CALN1: variants seen among roughly 807,000 people sequenced by gnomAD.
CALN1 encodes the protein calneuron 1.
Under a neutral mutation model 30.6 loss-of-function variants are expected in CALN1, and 17 were observed. The ratio of observed to expected loss-of-function variants is 0.56; its 90% confidence interval spans 0.38 to 0.83. The LOEUF (loss-of-function observed/expected upper bound fraction) is 0.83. Ranked by LOEUF, CALN1 falls within the 40% of genes least tolerant of loss-of-function variation. CALN1 has a pLI of 0.00. For missense variants in CALN1, 291 were observed against 354.9 expected (o/e 0.82, Z 1.45); for synonymous variants, 156 against 131.4 (o/e 1.19, Z -1.28).
chr7:72,337,413 C>T (rs1009750597), intron 2 of CALN1, among the ~76,000 whole-genome samples: 8 of 31,450 alleles, frequency 2.5e-4, no homozygotes, highest in Admixed American at 9.1e-4. Flanking sequence ...CGCGCACTCA[C>T]ACTCGCGCGC....
At chr7:71,798,167 G>T (rs1041001817) in intron 6 of CALN1, among the ~76,000 whole-genome samples, 5 of 144,702 alleles carry the variant, frequency 3.5e-5, no homozygotes, top group Non-Finnish European at 6.1e-5. Flanking sequence ...GAGAGAGAGA[G>T]AGAGAGAGAT....
rs71531769 is a variant in CALN1, at chr7:71,863,557, CAAAAAA to C, written c.502-53071_502-53066del. 1.2e-3 allele frequency among the ~76,000 whole-genome samples: 40 copies of C among 32,214 alleles called. 1 individual carries two copies. Among genetic ancestry groups the C allele is most frequent in the African/African-American group, 6.7e-5 (1 of 14,988 alleles). The allele number at this position is 32,214 out of a possible 152,430, so 21.1% of individuals were successfully genotyped here. A position where few individuals can be genotyped will look rare whatever the true frequency, so the allele number is the denominator to read the frequency against. On this transcript the variant is annotated intron_variant, in intron 5 of 6. Coordinates refer to ENST00000395275, the MANE Select transcript of CALN1 (RefSeq NM_031468.4). Reference sequence around the variant, plus strand: ...TGGGCAACAGAACTAAACTCCATCTCAAAAAAAAAAAAAAAAAAAAAAAAAAGAAGA... The same window carrying C: ...TGGGCAACAGAACTAAACTCCATCTCAAAAAAAAAAAAAAAAAAAAGAAGA...
chr7:72,387,225 AGGAAG>A (rs1164676142), intron 2 of CALN1, among the ~76,000 whole-genome samples: 1 of 77,960 alleles, frequency 1.3e-5, no homozygotes, highest in Non-Finnish European at 2.5e-5. Context: ...AAGGAAGGGA[AGGAAG>A]GGAAGGGAGG....
chr7:71,936,835 G>C (rs1795860163), intron 5 of CALN1, among the ~76,000 whole-genome samples: 2 of 152,000 alleles, frequency 1.3e-5, no homozygotes, highest in Admixed American at 1.3e-4. Flanking sequence ...CATGGAGGCA[G>C]TTTCCCCCAT....
At chr7:72,311,873 G>A (rs1001018731) in intron 2 of CALN1, among the ~76,000 whole-genome samples, 3 of 151,768 alleles carry the variant, frequency 2.0e-5, no homozygotes, top group Non-Finnish European at 4.4e-5. Flanking sequence ...AGACTTTGAA[G>A]AAAAATAGGA....
chr7:72,465,661 A>G, the CALN1 span, among the ~76,000 whole-genome samples: 1 of 152,262 alleles, frequency 6.6e-6, no homozygotes, highest in Non-Finnish European at 1.5e-5. Flanking sequence ...ATCATAATAA[A>G]GTACTAACAT....
chr7:72,339,990 A>T (rs1027911205), intron 2 of CALN1, among the ~76,000 whole-genome samples: 2 of 152,204 alleles, frequency 1.3e-5, no homozygotes, highest in South Asian at 4.2e-4. Flanking sequence ...TAAACATAAC[A>T]TCTTAGTGTC....
chr7:72,013,109 T>G (rs562218972), intron 5 of CALN1, among the ~76,000 whole-genome samples: 1 of 152,112 alleles, frequency 6.6e-6, no homozygotes, highest in African/African-American at 2.4e-5. Context: ...GCTTTTATAC[T>G]CTCATATCAA....
chr7:72,217,611 G>C (rs1417848594), intron 3 of CALN1, among the ~76,000 whole-genome samples: 1 of 151,922 alleles, frequency 6.6e-6, no homozygotes, highest in Non-Finnish European at 1.5e-5. Flanking sequence ...AAGGTCTAGG[G>C]GAAGAAGGAC....
chr7:72,383,298 G>C (rs189765661), intron 2 of CALN1, among the ~76,000 whole-genome samples: 1 of 152,318 alleles, frequency 6.6e-6, no homozygotes, highest in East Asian at 1.9e-4. Context: ...GCTGCGGGGT[G>C]AAAGGACACT....
chr7:72,270,369 C>T (rs888691063), intron 3 of CALN1, among the ~76,000 whole-genome samples: 43 of 152,236 alleles, frequency 2.8e-4, no homozygotes, highest in African/African-American at 1.0e-3. Flanking sequence ...TACAGATATT[C>T]ACTTTTACTT....
intron 2 of CALN1, among the ~76,000 whole-genome samples, chr7:72,401,539 AG>A (rs1399258337): frequency 3.3e-5 from 5 of 152,128 alleles, no homozygotes. Flanking sequence ...AGAGACCCTT[AG>A]CCCCAGGGTC....
At chr7:72,205,620 T>C (rs1158826912) in intron 3 of CALN1, among the ~76,000 whole-genome samples, 1 of 135,630 alleles carries the variant, frequency 7.4e-6, no homozygotes, top group African/African-American at 2.9e-5. Context: ...ATATTGGAAA[T>C]ATCTTATCTC....
intron 3 of CALN1, among the ~76,000 whole-genome samples, chr7:72,170,278 T>G (rs921667223): frequency 2.0e-5 from 3 of 152,224 alleles, no homozygotes; most frequent in Admixed American, 6.5e-5. Context: ...CGTGCCTGGC[T>G]ACCTCTCTAA....
At chr7:72,330,507 C>T (rs1247687967) in intron 2 of CALN1, among the ~76,000 whole-genome samples, 4 of 150,588 alleles carry the variant, frequency 2.7e-5, no homozygotes, top group Admixed American at 2.6e-4. Flanking sequence ...CCTTTGTTGG[C>T]CATCCAATCT....
chr7:72,418,727 T>C (rs1562961999), intron 1 of CALN1, among the ~76,000 whole-genome samples: 1 of 152,184 alleles, frequency 6.6e-6, no homozygotes. Flanking sequence ...CAAGCTCTTA[T>C]GTCACTGGGT....
At chr7:72,487,917 A>AGAAGGAAG in the CALN1 span, among the ~76,000 whole-genome samples, 145 of 62,270 alleles carry the variant, frequency 2.3e-3, 1 homozygote, top group South Asian at 5.8e-3. Flanking sequence ...AAAGAAAGAA[A>AGAAGGAAG]GAAGGAAGGA....
intron 4 of CALN1, among the ~76,000 whole-genome samples, chr7:72,058,833 C>T (rs1803456063): frequency 6.6e-6 from 1 of 152,102 alleles, no homozygotes; most frequent in Non-Finnish European, 1.5e-5. Flanking sequence ...AGGACAGTGA[C>T]GTGCAAAAGA....
intron 5 of CALN1, among the ~76,000 whole-genome samples, chr7:71,859,746 T>G (rs1791163069): frequency 6.6e-6 from 1 of 152,208 alleles, no homozygotes; most frequent in Admixed American, 6.5e-5. Flanking sequence ...AATCCATCAC[T>G]GTTAGTTCTT....
Sources: gnomAD v4.1 joint callset for allele counts (sites outside exome capture counted in the v4.1 genomes callset) on GRCh38, gnomAD v4.1.1 for gene constraint, MANE v1.5 for transcripts, NCBI Gene and HGNC (gene_info 2026-07-23, HGNC 2026-07-21) for gene names.